The following FRMPD2 variants were observed in gnomAD, a reference collection of about 807,000 sequenced individuals.
FRMPD2 encodes the protein FERM and PDZ domain-containing protein 2.
A neutral mutation model predicts 140.1 loss-of-function variants in FRMPD2; 96 were observed. The ratio of observed to expected loss-of-function variants is 0.69; its 90% confidence interval spans 0.58 to 0.81. The LOEUF (loss-of-function observed/expected upper bound fraction) is 0.81, where lower values mean the gene tolerates loss of function less well. Among genes scored for constraint, FRMPD2 ranks in the 40% least tolerant of loss-of-function variants. FRMPD2 has a pLI of 0.00. For missense variants in FRMPD2, 1,240 were observed against 1,447.4 expected (o/e 0.86, Z 2.32); for synonymous variants, 449 against 547.6 (o/e 0.82, Z 2.52).
rs376727494 is a variant in FRMPD2, at chr10:48,242,370, C to G, written c.376-18G>C. On this transcript the variant is annotated intron_variant, in intron 4 of 28. Coordinates refer to ENST00000374201, the MANE Select transcript of FRMPD2 (RefSeq NM_001018071.4). Reference sequence around the variant, plus strand: ...TGCAGGGGCTGGAGGCAGACAGGGCCGGTGAGAGGAGAGAGCAGCCAGAGC... The same window carrying G: ...TGCAGGGGCTGGAGGCAGACAGGGCGGGTGAGAGGAGAGAGCAGCCAGAGC... 1.2e-6 allele frequency: 2 copies of G among 1,605,324 alleles called. No individual in the cohort carries two copies. The highest frequency in any genetic ancestry group is 4.5e-5 in the East Asian group (2 of 44,730).
intron 1 of FRMPD2, among the ~76,000 whole-genome samples, chr10:48,256,855 T>C (rs1420937214): frequency 1.3e-5 from 2 of 152,240 alleles, no homozygotes; most frequent in Non-Finnish European, 2.9e-5. Context: ...TCATGGTCCC[T>C]GAAATGTTGT....
At chr10:48,231,998 C>G (rs778926836) in intron 10 of FRMPD2, 117 bp downstream of exon 10, 18 of 879,992 alleles carry the variant, frequency 2.0e-5, no homozygotes, top group Non-Finnish European at 3.2e-5. Context: ...TCTAGGCATA[C>G]AAAGGGAGGC....
At chr10:48,157,931 G>A (rs1588793949) in intron 28 of FRMPD2, among the ~76,000 whole-genome samples, 1 of 145,724 alleles carries the variant, frequency 6.9e-6, no homozygotes, top group East Asian at 2.0e-4. Flanking sequence ...ACCTCAAGCA[G>A]CACCCCCTTC....
intron 14 of FRMPD2, among the ~76,000 whole-genome samples, chr10:48,205,985 A>G (rs190277179): frequency 2.0e-5 from 3 of 152,324 alleles, no homozygotes; most frequent in East Asian, 3.9e-4. Context: ...TAAATAGGAA[A>G]AAAACATTTT....
chr10:48,240,543 T>A (rs764160389), intron 5 of FRMPD2, 51 bp from the exon 6 acceptor site: 5 of 1,606,704 alleles, frequency 3.1e-6, no homozygotes, highest in Non-Finnish European at 4.2e-6. Flanking sequence ...GGAGGGGGCG[T>A]TTTTATAGAT....
intron 26 of FRMPD2, among the ~76,000 whole-genome samples, chr10:48,170,477 A>G (rs549792670): frequency 2.7e-3 from 405 of 152,110 alleles, no homozygotes; most frequent in South Asian, 5.4e-3. Context: ...TGAGCTTCCT[A>G]ACAACCTGCC....
intron 26 of FRMPD2, among the ~76,000 whole-genome samples, chr10:48,170,237 G>C (rs1260110951): frequency 1.3e-5 from 2 of 150,270 alleles, no homozygotes; most frequent in Admixed American, 6.6e-5. Context: ...AACACGGCAA[G>C]AGACCAGAGA....
In FRMPD2 at chr10:48,226,959, C is replaced by T. The variant is rs150137674; in HGVS notation, c.1169-3689G>A. On this transcript the variant is annotated intron_variant, in intron 10 of 28. Transcript: ENST00000374201. ...ACAGTTTCTGGCAATGAGGATGGGA[C>T]CCTAAGAGGCTGGACACCCCACTCA... 1.5e-3 allele frequency among the ~76,000 whole-genome samples: 221 copies of T among 152,248 alleles called. 1 individual carries two copies. The Middle Eastern group carries it at 0.031, about 21-fold the overall frequency.
In FRMPD2 at chr10:48,184,813, G is replaced by A. The variant is rs751378816; in HGVS notation, c.2428C>T (p.Pro810Ser). Reference sequence around the variant, plus strand: ...TTTGCTTTTTCTGCTGGTCCTCCAGGTATAATAGAAGATATAAAAATGCCA... The same window carrying A: ...TTTGCTTTTTCTGCTGGTCCTCCAGATATAATAGAAGATATAAAAATGCCA... Reference protein sequence around the residue: ...DPGIFISSIIPGGPAEKAKTI... With the variant: ...DPGIFISSIISGGPAEKAKTI... Residue 810 changes from proline to serine, a missense_variant, in exon 19 of 29, where the codon CCT (proline) becomes TCT (serine). Pro to Ser is a moderately conservative substitution (Grantham distance 74). Coordinates refer to ENST00000374201, the MANE Select transcript of FRMPD2 (RefSeq NM_001018071.4). 2 of 1,613,862 alleles carry A rather than the reference G, an allele frequency of 1.2e-6. No individual in the cohort carries two copies. Among genetic ancestry groups the A allele is most frequent in the East Asian group, 2.2e-5 (1 of 44,840 alleles).
At chr10:48,214,901 G>A (rs1839410243) in intron 12 of FRMPD2, among the ~76,000 whole-genome samples, 1 of 152,222 alleles carries the variant, frequency 6.6e-6, no homozygotes, top group South Asian at 2.1e-4. Context: ...GGCCACCGGA[G>A]GACATGTACC....
intron 1 of FRMPD2, among the ~76,000 whole-genome samples, chr10:48,264,329 A>G (rs1840645885): frequency 6.6e-6 from 1 of 152,106 alleles, no homozygotes; most frequent in Non-Finnish European, 1.5e-5. Flanking sequence ...AAAAAAAGAA[A>G]TAAAGTTATC....
chr10:48,191,589 A>G (rs1240964631), intron 16 of FRMPD2, among the ~76,000 whole-genome samples: 2 of 152,192 alleles, frequency 1.3e-5, no homozygotes, highest in African/African-American at 4.8e-5. Flanking sequence ...TTATGGATAT[A>G]GATATAGGTA....
chr10:48,223,918 C>T (rs1260453194), intron 10 of FRMPD2, among the ~76,000 whole-genome samples: 1 of 152,188 alleles, frequency 6.6e-6, no homozygotes, highest in African/African-American at 2.4e-5. Flanking sequence ...AGGACCCCAC[C>T]AGGAATGGAA....
intron 1 of FRMPD2, among the ~76,000 whole-genome samples, chr10:48,271,042 C>G (rs1379047020): frequency 6.6e-6 from 1 of 152,200 alleles, no homozygotes; most frequent in Non-Finnish European, 1.5e-5. Context: ...CCATGTCACA[C>G]CTCGTGAAAA....
chr10:48,178,972 T>C (rs1380263158), intron 21 of FRMPD2: 2 of 151,866 alleles, frequency 1.3e-5, no homozygotes, highest in Non-Finnish European at 2.9e-5. Context: ...AATGATCTCA[T>C]TGGGTTACCA....
At chr10:48,163,033 A>G (rs1333560089) in intron 28 of FRMPD2, among the ~76,000 whole-genome samples, 1 of 146,430 alleles carries the variant, frequency 6.8e-6, no homozygotes, top group Non-Finnish European at 1.5e-5. Flanking sequence ...CAGGCCATGG[A>G]AGATACAAGA....
At chr10:48,195,834 C>A (rs1838938006) in intron 15 of FRMPD2, among the ~76,000 whole-genome samples, 1 of 152,208 alleles carries the variant, frequency 6.6e-6, no homozygotes, top group African/African-American at 2.4e-5. Flanking sequence ...CACACCACAC[C>A]TCTGTTCTGT....
intron 10 of FRMPD2, among the ~76,000 whole-genome samples, chr10:48,230,301 A>T (rs1839821633): frequency 6.6e-6 from 1 of 152,210 alleles, no homozygotes; most frequent in African/African-American, 2.4e-5. Context: ...TAAGTTCAAT[A>T]AAATATGCTC....
At chr10:48,196,865 A>G (rs1291211742) in intron 15 of FRMPD2, among the ~76,000 whole-genome samples, 4 of 152,274 alleles carry the variant, frequency 2.6e-5, no homozygotes, top group African/African-American at 9.6e-5. Flanking sequence ...ACAGCCTATT[A>G]CAAGCCAAAT....
Sources: allele counts gnomAD v4.1 joint callset (sites outside exome capture counted in the v4.1 genomes callset), GRCh38; gene constraint gnomAD v4.1.1; transcripts MANE v1.5; gene names NCBI Gene and HGNC (gene_info 2026-07-23, HGNC 2026-07-21).